KCTD1: variants seen among roughly 807,000 people sequenced by gnomAD.
The protein encoded by KCTD1 is potassium channel tetramerization domain containing 1, also known as BTB/POZ domain-containing protein KCTD1.
Under a neutral mutation model 66.0 loss-of-function variants are expected in KCTD1, and 24 were observed. The ratio of observed to expected loss-of-function variants is 0.36; its 90% CI spans 0.26 to 0.51. The LOEUF (loss-of-function observed/expected upper bound fraction) is 0.51. KCTD1 is among the 20% of genes least tolerant of loss of function. The pLI, the probability that KCTD1 is intolerant of heterozygous loss-of-function variation, is 0.95. For synonymous variants in KCTD1, 511 were observed against 517.2 expected, an observed-to-expected ratio of 0.99 and a Z score of 0.16; for missense variants, 943 against 1,205.2, an observed-to-expected ratio of 0.78 and a Z score of 3.22.
intron 1 of KCTD1, among the ~76,000 whole-genome samples, chr18:26,650,958 T>C (rs1988019673): frequency 6.6e-6 from 1 of 152,246 alleles, no homozygotes; most frequent in Non-Finnish European, 1.5e-5. Context: ...AAGGGCTGAA[T>C]TGTTGTCAGT....
intron 1 of KCTD1, among the ~76,000 whole-genome samples, chr18:26,515,057 T>C (rs1716996896): frequency 6.6e-6 from 1 of 152,212 alleles, no homozygotes; most frequent in East Asian, 1.9e-4. Flanking sequence ...AGGAGACATC[T>C]GTGTTCTTGG....
chr18:26,624,126 G>A (rs1423858811), intron 1 of KCTD1, among the ~76,000 whole-genome samples: 2 of 152,204 alleles, frequency 1.3e-5, no homozygotes, highest in Non-Finnish European at 2.9e-5. Context: ...TCTGGTGGAA[G>A]AAATTTCTAA....
chr18:26,512,997 T>G (rs529506864), intron 1 of KCTD1, among the ~76,000 whole-genome samples: 1 of 152,024 alleles, frequency 6.6e-6, no homozygotes, highest in African/African-American at 2.4e-5. Context: ...ATTTTTTTTT[T>G]CAATCAAATT....
At chr18:26,620,117 A>AT (rs1366453475) in intron 1 of KCTD1, among the ~76,000 whole-genome samples, 10 of 151,914 alleles carry the variant, frequency 6.6e-5, no homozygotes, top group African/African-American at 1.2e-4. Flanking sequence ...GTTTTATGGT[A>AT]TTTTTTCTGT....
chr18:26,592,488 C>T (rs566270804), intron 1 of KCTD1, among the ~76,000 whole-genome samples: 25 of 152,310 alleles, frequency 1.6e-4, no homozygotes, highest in African/African-American at 5.8e-4. Context: ...CTCTAGTTCT[C>T]CCCACAGCAT....
chr18:26,563,122 C>G (rs34288695), intron 1 of KCTD1, among the ~76,000 whole-genome samples: 49,838 of 152,006 alleles, frequency 0.33, 9,248 homozygotes, highest in East Asian at 0.58. Context: ...CCCATGCTCT[C>G]CAGTTCCAAT....
Position 26,548,111 on chromosome 18 carries a change from GGGC to G in KCTD1, c.423_425del (p.Pro142del). 7.6e-7 allele frequency: 1 copy of G among 1,309,274 alleles called. No individual in the cohort carries two copies. The highest frequency in any genetic ancestry group is 1.5e-5 in the African/African-American group (1 of 64,914). The allele number at this position is 1,309,274 out of a possible 1,614,324, so 81.1% of individuals were successfully genotyped here. On this transcript the variant is annotated inframe_deletion, in exon 1 of 5. Coordinates refer to ENST00000580059, the MANE Select transcript of KCTD1 (RefSeq NM_001142730.3). ...CCCCGGGCGGCCCACCGCGGGCCCG[GGGC>G]GCCAGCAGTCGCGGCGGCGCCTCGG...
intron 1 of KCTD1, chr18:26,566,789 A>G (rs1442897153): frequency 7.0e-6 from 1 of 143,572 alleles, no homozygotes; most frequent in Non-Finnish European, 1.5e-5. Flanking sequence ...GGTGGTTTGG[A>G]TTAGACAACA....
intron 1 of KCTD1, among the ~76,000 whole-genome samples, chr18:26,611,540 G>A (rs756833446): frequency 3.3e-5 from 5 of 152,064 alleles, no homozygotes; most frequent in Non-Finnish European, 5.9e-5. Context: ...TAGTAGAGGC[G>A]GAGTTTCACC....
chr18:26,552,987 CTT>C (rs773910506), upstream of KCTD1, among the ~76,000 whole-genome samples: 26 of 137,164 alleles, frequency 1.9e-4, no homozygotes, highest in African/African-American at 5.6e-4. Flanking sequence ...CTTTTTCTTT[CTT>C]TTTTTTTTTT....
rs547485410 is a variant in KCTD1, at chr18:26,557,704, A to C, written c.-15-56454T>G. ...TAAGCAATAAAATAATTTCCTCTCT[A>C]GCAATCATTCTGGGGCGGTGAATTC... On this transcript the variant is annotated intron_variant, in intron 1 of 4. Coordinates refer to the KCTD1 transcript ENST00000317932. Among the ~76,000 whole-genome samples, 5 of 152,114 alleles carry C rather than the reference A, an allele frequency of 3.3e-5. No individual in the cohort carries two copies. In the South Asian group the frequency reaches 1.0e-3, roughly 32 times the overall value.
chr18:26,595,876 C>CA (rs746811477), intron 1 of KCTD1, among the ~76,000 whole-genome samples: 9 of 152,016 alleles, frequency 5.9e-5, no homozygotes, highest in Admixed American at 1.3e-4. Flanking sequence ...CCTATCTCTA[C>CA]AAAAAATAAT....
chr18:26,518,301 T>C (rs1983758392), intron 1 of KCTD1, among the ~76,000 whole-genome samples: 1 of 152,114 alleles, frequency 6.6e-6, no homozygotes, highest in African/African-American at 2.4e-5. Context: ...TGCAAAGCTA[T>C]AATTTTTTTT....
At position 26,548,419 on chromosome 18, in the gene KCTD1, C is replaced by G; in HGVS notation, c.118G>C (p.Gly40Arg). ...GGACGGCTGTGGCGGCGGCCGCGGCCCCCCGCGCCGCGCTCGCCCTCGCCC... is the reference window on the plus strand; with the variant it reads ...GGACGGCTGTGGCGGCGGCCGCGGCGCCCCGCGCCGCGCTCGCCCTCGCCC... ...ERGEGERGAG[G>R]RGRRHSRPHY... Residue 40 changes from glycine to arginine, a missense_variant, in exon 1 of 5, where the codon GGC (glycine) becomes CGC (arginine). This residue lies in a region of KCTD1 where 236 missense variants were observed against 206.6 expected (regional missense o/e 1.14). Transcript: ENST00000580059. 2 of 1,426,432 alleles carry G rather than the reference C, an allele frequency of 1.4e-6. No individual in the cohort carries two copies. Among genetic ancestry groups the G allele is most frequent in the Middle Eastern group, 2.6e-4 (1 of 3,920 alleles). 88.4% of individuals were successfully genotyped at this position (1,426,432 alleles called of 1,614,324 possible). A position where few individuals can be genotyped will look rare whatever the true frequency, so the allele number is the denominator to read the frequency against.
At chr18:26,542,289 C>T (rs541373293) in intron 1 of KCTD1, among the ~76,000 whole-genome samples, 2 of 152,310 alleles carry the variant, frequency 1.3e-5, no homozygotes, top group South Asian at 4.1e-4. Flanking sequence ...TTAATTCATA[C>T]TACCTTATCC....
intron 1 of KCTD1, chr18:26,600,100 C>G: frequency 6.2e-7 from 1 of 1,610,736 alleles, no homozygotes; most frequent in Non-Finnish European, 8.5e-7. Context: ...GGCTTCCCTG[C>G]AGGCTGCTTC....
chr18:26,582,270 C>CT (rs1384004494), intron 1 of KCTD1, among the ~76,000 whole-genome samples: 41 of 77,468 alleles, frequency 5.3e-4, no homozygotes, highest in African/African-American at 1.7e-3. Flanking sequence ...GACACCCCGT[C>CT]TAAAAAAAAA....
At chr18:26,503,712 AAG>A (rs1982886982) in intron 1 of KCTD1, among the ~76,000 whole-genome samples, 1 of 152,252 alleles carries the variant, frequency 6.6e-6, no homozygotes, top group African/African-American at 2.4e-5. Flanking sequence ...TCTGTACAGA[AAG>A]AGAAAAAAAT....
At chr18:26,550,054 C>G (rs1277983332), upstream of KCTD1, among the ~76,000 whole-genome samples, 2 of 152,126 alleles carry the variant, frequency 1.3e-5, no homozygotes, top group East Asian at 3.9e-4. This position sits in a 1 kb window ranked among gnomAD's most constrained non-coding sequence, Gnocchi z 5.4. Flanking sequence ...CTCCCGCAGC[C>G]CGTGTGTACC....
Sources: allele counts gnomAD v4.1 joint callset (sites outside exome capture counted in the v4.1 genomes callset), GRCh38; gene constraint gnomAD v4.1.1; regional missense constraint gnomAD v4.1.1; non-coding constraint Gnocchi (gnomAD v3.1); transcripts MANE v1.5; gene names NCBI Gene and HGNC (gene_info 2026-07-23, HGNC 2026-07-21).